The following PCDH15 variants were observed in gnomAD, a reference collection of about 807,000 sequenced individuals.
PCDH15 encodes protocadherin-15.
In PCDH15, 129 loss-of-function variants were observed where a neutral mutation model predicts 178.5. The observed-to-expected ratio is 0.72, with a 90% CI of 0.63 to 0.84. The LOEUF (loss-of-function observed/expected upper bound fraction) is 0.84, where lower values mean the gene tolerates loss of function less well. PCDH15 is among the 40% of genes least tolerant of loss of function. The pLI, the probability that PCDH15 is intolerant of heterozygous loss-of-function variation, is 0.00. For synonymous variants in PCDH15, 800 were observed against 732.0 expected (o/e 1.09, Z -1.50); for missense variants, 2,230 against 2,099.9 (o/e 1.06, Z -1.21).
chr10:54,176,480 A>G (rs954797590), intron 13 of PCDH15, among the ~76,000 whole-genome samples: 16 of 152,190 alleles, frequency 1.1e-4, no homozygotes, highest in African/African-American at 3.9e-4. Flanking sequence ...AGAGCTCTCA[A>G]TAGTTACAGA....
intron 2 of PCDH15, among the ~76,000 whole-genome samples, chr10:54,616,656 T>C (rs2093166988): frequency 6.6e-6 from 1 of 152,192 alleles, no homozygotes; most frequent in African/African-American, 2.4e-5. Flanking sequence ...ATTATACCAC[T>C]GGACTCACAG....
chr10:54,787,990 T>A (rs1167836806), intron 1 of PCDH15, among the ~76,000 whole-genome samples: 2 of 151,722 alleles, frequency 1.3e-5, no homozygotes, highest in Non-Finnish European at 1.5e-5. Context: ...ACCATAAGAC[T>A]GGCAGCACTG....
chr10:54,362,564 T>C (rs140207656), intron 5 of PCDH15, among the ~76,000 whole-genome samples: 32 of 152,238 alleles, frequency 2.1e-4, no homozygotes, highest in Non-Finnish European at 2.9e-4. Context: ...TTATTAATAC[T>C]GAAAGAAACA....
intron 1 of PCDH15, among the ~76,000 whole-genome samples, chr10:55,206,677 T>C (rs1244994158): frequency 6.6e-6 from 1 of 152,156 alleles, no homozygotes; most frequent in Non-Finnish European, 1.5e-5. Context: ...TTTGGAGCAG[T>C]CTGTTTTCCT....
Position 54,019,878 on chromosome 10 carries a change from C to G in PCDH15, c.2751+314G>C, listed in dbSNP as rs143802444. 3.4e-3 allele frequency among the ~76,000 whole-genome samples: 520 copies of G among 152,066 alleles called. No homozygotes were observed. Among genetic ancestry groups the G allele is most frequent in the African/African-American group, 0.012 (491 of 41,506 alleles). On this transcript the variant is annotated intron_variant, in intron 20 of 37. Transcript: ENST00000644397. ...TTGTACCAAATAATTATGCCTGATG[C>G]TGTGGAATTTGAACTAAAATCTAGT...
At chr10:54,086,247 A>G (rs1471471834) in intron 16 of PCDH15, among the ~76,000 whole-genome samples, 3 of 152,246 alleles carry the variant, frequency 2.0e-5, no homozygotes, top group Admixed American at 6.5e-5. Context: ...ATGGTGAGAA[A>G]GGAAGCAAGA....
chr10:54,517,582 A>G (rs1490503107), intron 3 of PCDH15, among the ~76,000 whole-genome samples: 3 of 152,126 alleles, frequency 2.0e-5, no homozygotes, highest in Non-Finnish European at 4.4e-5. Context: ...TGACCTACAA[A>G]GAGACTTAGA....
intron 5 of PCDH15, among the ~76,000 whole-genome samples, chr10:54,357,269 G>A (rs934504775): frequency 5.9e-5 from 9 of 152,142 alleles, no homozygotes; most frequent in African/African-American, 2.2e-4. Context: ...AAACCCCACT[G>A]TCTCAGCCCA....
intron 3 of PCDH15, among the ~76,000 whole-genome samples, chr10:54,813,066 A>G (rs1358893103): frequency 6.6e-6 from 1 of 151,924 alleles, no homozygotes. Context: ...ACCTCCAACA[A>G]CCTAGAGTTT....
intron 3 of PCDH15, among the ~76,000 whole-genome samples, chr10:54,388,703 A>G (rs796476722): frequency 2.0e-5 from 3 of 152,308 alleles, no homozygotes; most frequent in African/African-American, 7.2e-5. Context: ...CCTTAAAATA[A>G]AATAAATCAC....
At chr10:54,228,188 T>A (rs2053659156) in intron 9 of PCDH15, among the ~76,000 whole-genome samples, 1 of 152,148 alleles carries the variant, frequency 6.6e-6, no homozygotes, top group Non-Finnish European at 1.5e-5. Flanking sequence ...TACCAGAGAC[T>A]GGGCAATTTT....
chr10:54,905,003 C>T (rs1274286907), intron 2 of PCDH15, among the ~76,000 whole-genome samples: 1 of 151,858 alleles, frequency 6.6e-6, no homozygotes, highest in African/African-American at 2.4e-5. Flanking sequence ...TATTTTCGTT[C>T]TGGCCACACA....
intron 32 of PCDH15, chr10:53,823,168 C>T: frequency 1.2e-6 from 2 of 1,613,916 alleles, no homozygotes; most frequent in African/African-American, 1.3e-5. Context: ...CTTAAGTCAT[C>T]CTCATCAGAT....
chr10:55,341,525 T>A (rs1844555021), intron 2 of PCDH15, among the ~76,000 whole-genome samples: 1 of 150,658 alleles, frequency 6.6e-6, no homozygotes, highest in Admixed American at 6.6e-5. Context: ...TCCAAACCCA[T>A]CTTATGAGGT....
intron 1 of PCDH15, among the ~76,000 whole-genome samples, chr10:55,185,802 T>G (rs1394876313): frequency 6.6e-6 from 1 of 151,708 alleles, no homozygotes; most frequent in Non-Finnish European, 1.5e-5. Flanking sequence ...TGAGTTTTGT[T>G]ATATGAAAAT....
At chr10:54,193,800 A>T (rs1236212700) in intron 11 of PCDH15, among the ~76,000 whole-genome samples, 2 of 152,140 alleles carry the variant, frequency 1.3e-5, no homozygotes, top group African/African-American at 4.8e-5. Context: ...TAAAATTGAG[A>T]ACTTTGTTTT....
intron 18 of PCDH15, among the ~76,000 whole-genome samples, chr10:54,024,942 T>G (rs2093037884): frequency 6.6e-6 from 1 of 152,102 alleles, no homozygotes; most frequent in Non-Finnish European, 1.5e-5. Context: ...TAAATATGTT[T>G]TGTTTCATAA....
intron 2 of PCDH15, among the ~76,000 whole-genome samples, chr10:55,332,299 G>A (rs1164650283): frequency 2.0e-5 from 3 of 152,038 alleles, no homozygotes; most frequent in Non-Finnish European, 4.4e-5. Context: ...GCAGTTAATG[G>A]ATATTTGATA....
intron 3 of PCDH15, among the ~76,000 whole-genome samples, chr10:54,501,327 G>T (rs924140404): frequency 6.6e-6 from 1 of 151,456 alleles, no homozygotes; most frequent in Non-Finnish European, 1.5e-5. Context: ...GAATAAAAAA[G>T]ATTTGAGAAT....
Sources: gnomAD v4.1 joint callset for allele counts (sites outside exome capture counted in the v4.1 genomes callset) on GRCh38, gnomAD v4.1.1 for gene constraint, MANE v1.5 for transcripts, NCBI Gene and HGNC (gene_info 2026-07-23, HGNC 2026-07-21) for gene names.